PTPRN2: variants seen among roughly 807,000 people sequenced by gnomAD.
The protein encoded by PTPRN2 is receptor-type tyrosine-protein phosphatase N2.
Under a neutral mutation model 118.8 loss-of-function variants are expected in PTPRN2, and 74 were observed. The observed-to-expected ratio is 0.62, with a 90% CI of 0.52 to 0.76. PTPRN2 has a LOEUF of 0.76. PTPRN2 is among the 30% of genes least tolerant of loss of function. The probability of loss-of-function intolerance (pLI) is 0.00; values close to 1 mark genes in which losing one functional copy is unlikely to be tolerated. For missense variants in PTPRN2, 1,481 were observed against 1,394.4 expected (o/e 1.06, Z -0.99); for synonymous variants, 641 against 608.0 (o/e 1.05, Z -0.80).
At chr7:157,919,254 A>G (rs1798573000) in intron 11 of PTPRN2, among the ~76,000 whole-genome samples, 1 of 152,250 alleles carries the variant, frequency 6.6e-6, no homozygotes, top group Admixed American at 6.5e-5. Context: ...GCAAAATCTA[A>G]TAAATTAGAA....
intron 5 of PTPRN2, among the ~76,000 whole-genome samples, chr7:158,180,330 C>T (rs1824592766): frequency 6.6e-6 from 1 of 152,202 alleles, no homozygotes; most frequent in African/African-American, 2.4e-5. Flanking sequence ...TTCCATTGGT[C>T]TATGTGCCTA....
chr7:157,611,559 GGGAACATGACCTT>G lies in PTPRN2; in HGVS notation c.2345-7497_2345-7485del, dbSNP rs1156532284. On this transcript the variant is annotated intron_variant, in intron 15 of 22. Coordinates refer to ENST00000389418, the MANE Select transcript of PTPRN2 (RefSeq NM_002847.5). The surrounding 1 kb of genome is among the most constrained non-coding windows in gnomAD (Gnocchi z 5.9). ...AAAGACACACTGGAGTCCCAGCCCTGGGAACATGACCTTATTTGGAAATAGGGTCTTTACAGAG... is the reference window on the plus strand; with the variant it reads ...AAAGACACACTGGAGTCCCAGCCCTGATTTGGAAATAGGGTCTTTACAGAG... Among the ~76,000 whole-genome samples the G allele has an allele frequency of 3.3e-5, 5 of 152,170 alleles. No homozygotes were observed. Among genetic ancestry groups the G allele is most frequent in the Admixed American group, 3.3e-4 (5 of 15,276 alleles).
intron 1 of PTPRN2, among the ~76,000 whole-genome samples, chr7:158,564,699 G>A (rs1827573218): frequency 6.6e-6 from 1 of 152,140 alleles, no homozygotes; most frequent in Non-Finnish European, 1.5e-5. Context: ...CTTTCCCTCA[G>A]CATGGCAGCT....
intron 2 of PTPRN2, among the ~76,000 whole-genome samples, chr7:158,322,008 G>A (rs150446098): frequency 1.6e-4 from 24 of 152,308 alleles, no homozygotes; most frequent in East Asian, 5.8e-4. Flanking sequence ...TGACGGCTTC[G>A]TGCCTTCTCC....
intron 3 of PTPRN2, among the ~76,000 whole-genome samples, chr7:158,247,401 CA>C (rs1292883639): frequency 7.3e-6 from 1 of 136,064 alleles, no homozygotes; most frequent in African/African-American, 2.8e-5. Context: ...GCAAAGGATA[CA>C]GGGGCGCAAA....
chr7:158,188,213 C>CGATGGGGAAGGCCGCCACG (rs1825367155), intron 5 of PTPRN2, among the ~76,000 whole-genome samples: 2 of 70,946 alleles, frequency 2.8e-5, no homozygotes, highest in Non-Finnish European at 3.4e-5. Flanking sequence ...ACGCTCGCCG[C>CGATGGGGAAGGCCGCCACG]CTGATGGGGA....
rs1304953548 is a variant in PTPRN2, at chr7:157,801,853, AG to A, written c.1788+96819del. On this transcript the variant is annotated intron_variant, in intron 12 of 22. Coordinates refer to ENST00000389418, the MANE Select transcript of PTPRN2 (RefSeq NM_002847.5). This position sits in a 1 kb window ranked among gnomAD's most constrained non-coding sequence, Gnocchi z 4.2. Reference sequence around the variant, plus strand: ...TCCCCCAAAACACACGTGGCTTATCAGAAACCTGCAGGAAAACAACACAGAT... The same window carrying A: ...TCCCCCAAAACACACGTGGCTTATCAAAACCTGCAGGAAAACAACACAGAT... Among the ~76,000 whole-genome samples the A allele has an allele frequency of 6.6e-6, 1 of 152,184 alleles. No homozygotes were observed. Among genetic ancestry groups the A allele is most frequent in the Non-Finnish European group, 1.5e-5 (1 of 68,034 alleles).
chr7:157,731,234 G>A (rs1799880539), intron 12 of PTPRN2, among the ~76,000 whole-genome samples: 1 of 152,120 alleles, frequency 6.6e-6, no homozygotes. Flanking sequence ...AGCCCACCCT[G>A]AGTTCCGAGG....
In PTPRN2 at chr7:157,784,034, G is replaced by A. The variant is rs1803856423; in HGVS notation, c.1789-101097C>T. 6.6e-6 allele frequency among the ~76,000 whole-genome samples: 1 copy of A among 152,216 alleles called. No individual in the cohort carries two copies. The highest frequency in any genetic ancestry group is 2.4e-5 in the African/African-American group (1 of 41,464). The stretch of plus-strand genomic sequence containing the variant: ...CTGAAACATTTCCCACATGGTTGGA[G>A]TTTAAGTCTCTCAAGGTAGAGACAC... On this transcript the variant is annotated intron_variant, in intron 12 of 22. Transcript: ENST00000389418. This position sits in a 1 kb window ranked among gnomAD's most constrained non-coding sequence, Gnocchi z 4.6.
chr7:157,918,477 G>C (rs913938773), intron 11 of PTPRN2, among the ~76,000 whole-genome samples: 1 of 152,192 alleles, frequency 6.6e-6, no homozygotes, highest in Non-Finnish European at 1.5e-5. Flanking sequence ...CAGTGAGGAC[G>C]ACGCGTGGGA....
chr7:157,863,935 A>G (rs1364360828), intron 12 of PTPRN2: 1 of 152,120 alleles, frequency 6.6e-6, no homozygotes, highest in East Asian at 1.9e-4. Flanking sequence ...AACTTCCATC[A>G]TTTAAGCTGC....
chr7:158,577,946 A>G (rs1192887374), intron 1 of PTPRN2, among the ~76,000 whole-genome samples: 1 of 152,166 alleles, frequency 6.6e-6, no homozygotes, highest in Non-Finnish European at 1.5e-5. Context: ...GGCCAGGAAG[A>G]TGGGCACAGC....
Position 157,603,700 on chromosome 7 carries a change from G to A in PTPRN2, c.2418+302C>T, listed in dbSNP as rs1420505599. Among the ~76,000 whole-genome samples, 1 of 152,082 alleles carries A rather than the reference G, an allele frequency of 6.6e-6. No homozygotes were observed. Among genetic ancestry groups the A allele is most frequent in the African/African-American group, 2.4e-5 (1 of 41,424 alleles). Reference sequence around the variant, plus strand: ...AGGAAAGAGGAACGGCACCCACTACGAACCTCTCCTAAAAGCCATGTCTTC... The same window carrying A: ...AGGAAAGAGGAACGGCACCCACTACAAACCTCTCCTAAAAGCCATGTCTTC... On this transcript the variant is annotated intron_variant, in intron 16 of 22. Coordinates refer to ENST00000389418, the MANE Select transcript of PTPRN2 (RefSeq NM_002847.5). The surrounding 1 kb of genome is among the most constrained non-coding windows in gnomAD (Gnocchi z 5.4).
At chr7:157,634,137 C>G (rs898314444) in intron 14 of PTPRN2, among the ~76,000 whole-genome samples, 2 of 147,088 alleles carry the variant, frequency 1.4e-5, no homozygotes, top group African/African-American at 2.7e-5. Context: ...TCCTCACACA[C>G]CTAAGTTGTC....
intron 9 of PTPRN2, among the ~76,000 whole-genome samples, chr7:158,131,422 AAC>A (rs55822226): frequency 6.9e-6 from 1 of 145,632 alleles, no homozygotes; most frequent in East Asian, 2.1e-4. Flanking sequence ...ACATCTACCC[AAC>A]ACACACACGA....
At chr7:157,543,456 C>A (rs1585006119) in intron 22 of PTPRN2, among the ~76,000 whole-genome samples, 1 of 152,330 alleles carries the variant, frequency 6.6e-6, no homozygotes, top group Admixed American at 6.5e-5. Context: ...AGTGGGAACG[C>A]CCCTTCTCAG....
At chr7:158,155,634 T>C (rs1821716045) in intron 6 of PTPRN2, among the ~76,000 whole-genome samples, 12 of 149,592 alleles carry the variant, frequency 8.0e-5, no homozygotes, top group South Asian at 2.1e-4. Flanking sequence ...ATCACCATCA[T>C]CACCACCGTC....
intron 11 of PTPRN2, among the ~76,000 whole-genome samples, chr7:158,074,580 C>G (rs189271236): frequency 6.6e-6 from 1 of 152,278 alleles, no homozygotes; most frequent in East Asian, 1.9e-4. Flanking sequence ...CCCGTGGCCA[C>G]CTGTGACAGT....
chr7:157,585,787 G>T lies in PTPRN2; in HGVS notation c.2497-7647C>A, dbSNP rs1360168360. Among the ~76,000 whole-genome samples the T allele has an allele frequency of 6.6e-6, 1 of 152,224 alleles. No individual in the cohort carries two copies. The highest frequency in any genetic ancestry group is 2.4e-5 in the African/African-American group (1 of 41,454). On this transcript the variant is annotated intron_variant, in intron 17 of 22. Transcript: ENST00000389418. The surrounding 1 kb of genome is among the most constrained non-coding windows in gnomAD (Gnocchi z 5.2). Reference sequence around the variant, plus strand: ...TGGGGATGGGAGGAGCTGGCCGGAGGCTGGGAACCAATCACACACAGGAGC... The same window carrying T: ...TGGGGATGGGAGGAGCTGGCCGGAGTCTGGGAACCAATCACACACAGGAGC...
Sources: allele counts gnomAD v4.1 joint callset (sites outside exome capture counted in the v4.1 genomes callset), GRCh38; gene constraint gnomAD v4.1.1; non-coding constraint Gnocchi (gnomAD v3.1); transcripts MANE v1.5; gene names NCBI Gene and HGNC (gene_info 2026-07-23, HGNC 2026-07-21).